The following HERC6 variants were observed in gnomAD, a reference collection of about 807,000 sequenced individuals.
The protein encoded by HERC6 is HECT and RLD domain containing E3 ubiquitin protein ligase family member 6, also known as probable E3 ubiquitin-protein ligase HERC6.
Under a neutral mutation model 114.5 loss-of-function variants are expected in HERC6, and 101 were observed. The observed-to-expected ratio is 0.88, with a 90% CI of 0.75 to 1.04. HERC6 has a LOEUF of 1.04. HERC6 is among the 50% of genes least tolerant of loss of function. The pLI is 0.00. For missense variants in HERC6, 1,133 were observed against 1,230.9 expected (o/e 0.92, Z 1.19); for synonymous variants, 408 against 436.2 (o/e 0.94, Z 0.81).
chr4:88,390,860 C>T lies in HERC6; in HGVS notation c.645C>T (p.Leu215=), dbSNP rs1436546309. The change falls in exon 4 of 23, where the codon CTC becomes CTT. Residue 215 remains leucine (L), a synonymous_variant. Coordinates refer to ENST00000264346, the MANE Select transcript of HERC6 (RefSeq NM_017912.4). ...WGSNSAGQLA[L]SGRNVPVQSN... is the part of the protein sequence containing the mutation. Reference sequence around the variant, plus strand: ...GTAACAGTGCCGGGCAGCTGGCCCTCAGTGGGCGTAATGTCCCAGGTAAGG... The same window carrying T: ...GTAACAGTGCCGGGCAGCTGGCCCTTAGTGGGCGTAATGTCCCAGGTAAGG... 6.2e-7 allele frequency: 1 copy of T among 1,613,116 alleles called. No individual in the cohort carries two copies. Among genetic ancestry groups the T allele is most frequent in the African/African-American group, 1.3e-5 (1 of 74,908 alleles).
intron 5 of HERC6, 117 bp from the exon 6 acceptor site, chr4:88,395,898 G>A: frequency 1.2e-6 from 1 of 803,284 alleles, no homozygotes; most frequent in Non-Finnish European, 1.9e-6. Flanking sequence ...TCCTATTTAT[G>A]TAGAGCTTGT....
At chr4:88,425,838 GA>G (rs1426710923) in intron 15 of HERC6, among the ~76,000 whole-genome samples, 1 of 151,906 alleles carries the variant, frequency 6.6e-6, no homozygotes, top group African/African-American at 2.4e-5. Flanking sequence ...CATTCCTCAT[GA>G]AAAGTTTATA....
At chr4:88,422,041 C>T (rs114034215) in intron 13 of HERC6, among the ~76,000 whole-genome samples, 2,704 of 152,142 alleles carry the variant, frequency 0.018, 85 homozygotes, top group African/African-American at 0.062. Flanking sequence ...AGTATTTTCC[C>T]ATGTGTTGTT....
At position 88,401,272 on chromosome 4, in the gene HERC6, A is replaced by G. The variant is rs543401971; in HGVS notation, c.1092+3063A>G. On this transcript the variant is annotated intron_variant, in intron 8 of 22. Transcript: ENST00000264346. ...CACTTTGGGAGGCCGAGGCGGGTGG[A>G]TCACAAGGTCAGGAGTTCAAGACCA... Among the ~76,000 whole-genome samples the G allele has an allele frequency of 8.5e-5, 13 of 152,170 alleles. No individual in the cohort carries two copies. The South Asian group carries it at 2.7e-3, about 32-fold the overall frequency.
chr4:88,396,580 C>G (rs1005719256), intron 6 of HERC6, among the ~76,000 whole-genome samples: 4 of 152,004 alleles, frequency 2.6e-5, no homozygotes, highest in Admixed American at 6.6e-5. Flanking sequence ...AATAGAAATG[C>G]CTGCATTTAG....
intron 2 of HERC6, among the ~76,000 whole-genome samples, chr4:88,384,808 T>A (rs186476182): frequency 6.6e-6 from 1 of 152,150 alleles, no homozygotes; most frequent in East Asian, 1.9e-4. Flanking sequence ...TCACCTGAGA[T>A]CAGGATTTCG....
At chr4:88,425,164 A>G (rs976623283) in intron 15 of HERC6, among the ~76,000 whole-genome samples, 47 of 152,296 alleles carry the variant, frequency 3.1e-4, no homozygotes, top group African/African-American at 1.1e-3. Flanking sequence ...ATGGTTAAAG[A>G]CCATTCACAT....
At chr4:88,380,935 A>G (rs1281617296) in intron 1 of HERC6, among the ~76,000 whole-genome samples, 3 of 152,052 alleles carry the variant, frequency 2.0e-5, no homozygotes, top group Non-Finnish European at 4.4e-5. Flanking sequence ...TGCAGTATTT[A>G]TGCAACTCTG....
intron 20 of HERC6, among the ~76,000 whole-genome samples, chr4:88,438,869 CAA>C (rs1287254095): frequency 1.3e-5 from 2 of 152,088 alleles, no homozygotes; most frequent in South Asian, 2.1e-4. Flanking sequence ...GGAAGGCAGA[CAA>C]GAGTTGATTT....
chr4:88,439,855 T>A lies in HERC6; in HGVS notation c.2556-19T>A. On this transcript the variant is annotated intron_variant, in intron 20 of 22. Coordinates refer to ENST00000264346, the MANE Select transcript of HERC6 (RefSeq NM_017912.4). ...TTTCCTTCCTTTCTTTTTTTTTTTT[T>A]TTTTTTGCTTCCCTCAAGGAGAGAC... The A allele has an allele frequency of 7.5e-7, 1 of 1,339,316 alleles. No individual in the cohort carries two copies. The highest frequency in any genetic ancestry group is 9.6e-7 in the Non-Finnish European group (1 of 1,041,594). The allele number at this position is 1,339,316 out of a possible 1,614,324, so 83.0% of individuals were successfully genotyped here.
intron 2 of HERC6, among the ~76,000 whole-genome samples, chr4:88,384,230 A>G (rs907147777): frequency 2.0e-5 from 3 of 152,216 alleles, no homozygotes; most frequent in Non-Finnish European, 4.4e-5. Flanking sequence ...TATTAAGGTG[A>G]CATATATAAA....
chr4:88,421,603 T>C (rs1234914523), intron 13 of HERC6, among the ~76,000 whole-genome samples: 1 of 151,976 alleles, frequency 6.6e-6, no homozygotes, highest in South Asian at 2.1e-4. Flanking sequence ...GTACACCCCA[T>C]GCCTGGCTAA....
At chr4:88,435,624 A>G in intron 17 of HERC6, 101 bp from the exon 18 acceptor site, 1 of 736,998 alleles carries the variant, frequency 1.4e-6, no homozygotes, top group Non-Finnish European at 1.9e-6. Flanking sequence ...TTAATTTTTG[A>G]CTTTCAGAAA....
chr4:88,424,381 G>A (rs1737377546), intron 14 of HERC6, among the ~76,000 whole-genome samples: 1 of 152,112 alleles, frequency 6.6e-6, no homozygotes, highest in African/African-American at 2.4e-5. Flanking sequence ...TCAAGAGGCT[G>A]AGGTGGGAGG....
intron 3 of HERC6, among the ~76,000 whole-genome samples, chr4:88,387,162 T>C (rs1255334671): frequency 6.6e-6 from 1 of 152,196 alleles, no homozygotes. Flanking sequence ...TTAGGGAGGC[T>C]GAAGCAGGAG....
chr4:88,395,168 T>G (rs1560538852), intron 5 of HERC6, among the ~76,000 whole-genome samples: 1 of 152,174 alleles, frequency 6.6e-6, no homozygotes, highest in Non-Finnish European at 1.5e-5. Flanking sequence ...TATCTTAAAT[T>G]AGAAAACCCT....
rs764940781 is a variant in HERC6, at chr4:88,435,839, G to A, written c.2365G>A (p.Asp789Asn). 5.0e-6 allele frequency: 8 copies of A among 1,610,520 alleles called. No individual in the cohort carries two copies. In the African/African-American group the frequency reaches 1.1e-4, roughly 22 times the overall value. Residue 789 changes from aspartate to asparagine, a missense_variant, in exon 18 of 23, where the codon GAC (aspartate) becomes AAC (asparagine). By Grantham distance (23) the Asp-to-Asn change is conservative (BLOSUM62 1). This residue lies in a region of HERC6 where 388 missense variants were observed against 445.9 expected (regional missense o/e 0.87). Transcript: ENST00000264346. ...ACTGGCTCTGTATAAAAAACTTCTG[G>A]ACCAAAAGCCATCATTGGAAGATTT... ...FPLALYKKLLDQKPSLEDLKE... is the reference protein window; with the variant it reads ...FPLALYKKLLNQKPSLEDLKE...
chr4:88,383,237 G>A lies in HERC6; in HGVS notation c.216G>A (p.Leu72=), dbSNP rs1734408909. The change falls in exon 2 of 23, where the codon TTG becomes TTA. Residue 72 remains leucine, a synonymous_variant. Coordinates refer to ENST00000264346, the MANE Select transcript of HERC6 (RefSeq NM_017912.4). ...RGELPEPIQA[L]ETLIVDLVSC... ...TTCCCAAAGAACCAATTCAGGCATT[G>A]GAAACCCTAATTGTTGATCTCGTGA... 6.2e-7 allele frequency: 1 copy of A among 1,610,510 alleles called. No individual in the cohort carries two copies. Among genetic ancestry groups the A allele is most frequent in the South Asian group, 1.1e-5 (1 of 90,140 alleles).
Position 88,428,754 on chromosome 4 carries a change from C to A in HERC6, c.2106+4C>A. On this transcript the variant is annotated splice_donor_region_variant and intron_variant, in intron 16 of 22. Coordinates refer to ENST00000264346, the MANE Select transcript of HERC6 (RefSeq NM_017912.4). ...TGACTTCTGCAAAGTATTAGTGGTA[C>A]AGTAAAAAGTCTCATTGAACATTTT... 6.6e-7 allele frequency: 1 copy of A among 1,520,892 alleles called. No individual in the cohort carries two copies. Among genetic ancestry groups the A allele is most frequent in the Non-Finnish European group, 8.8e-7 (1 of 1,137,952 alleles). 94.2% of individuals were successfully genotyped at this position (1,520,892 alleles called of 1,614,324 possible).
Sources: gnomAD v4.1 joint callset for allele counts (sites outside exome capture counted in the v4.1 genomes callset) on GRCh38, gnomAD v4.1.1 for gene constraint, gnomAD v4.1.1 regional missense constraint, MANE v1.5 for transcripts, NCBI Gene and HGNC (gene_info 2026-07-23, HGNC 2026-07-21) for gene names.